The following RP1 variants were observed in gnomAD, a reference collection of about 807,000 sequenced individuals.
The protein encoded by RP1 is RP1 axonemal microtubule associated.
Under a neutral mutation model 14.8 loss-of-function variants are expected in RP1, and 16 were observed. The observed-to-expected ratio is 1.08, with a 90% CI of 0.73 to 1.65. The LOEUF (loss-of-function observed/expected upper bound fraction) is 1.65. Ranked by LOEUF, RP1 falls within the 40% of genes most tolerant of loss-of-function variation. The pLI is 0.00. For missense variants in RP1, 2,631 were observed against 2,535.0 expected, an observed-to-expected ratio of 1.04 and a Z score of -0.81; for synonymous variants, 876 against 883.6, an observed-to-expected ratio of 0.99 and a Z score of 0.15.
intron 24 of RP1, among the ~76,000 whole-genome samples, chr8:54,789,792 G>T (rs935838431): frequency 6.6e-6 from 1 of 152,176 alleles, no homozygotes; most frequent in African/African-American, 2.4e-5. Flanking sequence ...CCCAGTAGAG[G>T]TCCTCACTGA....
exon 20 of RP1, chr8:54,754,810 T>C: frequency 1.3e-6 from 2 of 1,512,548 alleles, no homozygotes; most frequent in East Asian, 2.5e-5. Context: ...CAGGTGACCA[T>C]GCAACATATG....
intron 25 of RP1, among the ~76,000 whole-genome samples, chr8:54,839,146 C>T (rs1811733998): frequency 6.6e-6 from 1 of 152,098 alleles, no homozygotes; most frequent in Non-Finnish European, 1.5e-5. Flanking sequence ...ATTACTGGCC[C>T]TACTTGGTCA....
intron 24 of RP1, among the ~76,000 whole-genome samples, chr8:54,792,848 GA>G (rs750873644): frequency 1.5e-4 from 22 of 150,668 alleles, no homozygotes; most frequent in East Asian, 3.9e-4. Flanking sequence ...ATTAGAATGG[GA>G]AAAAAAATGA....
chr8:54,716,502 C>T (rs1808408171), intron 15 of RP1, among the ~76,000 whole-genome samples: 1 of 151,934 alleles, frequency 6.6e-6, no homozygotes, highest in Non-Finnish European at 1.5e-5. Context: ...TTTGGTTTGT[C>T]CCTGAATGTG....
At chr8:54,633,714 T>C (rs1452009133), downstream of RP1, among the ~76,000 whole-genome samples, 1 of 87,072 alleles carries the variant, frequency 1.1e-5, no homozygotes, top group Non-Finnish European at 2.7e-5. Context: ...TTTGTGCCTC[T>C]CTCTCTCTCT....
At chr8:54,735,429 T>A (rs1318245924) in intron 18 of RP1, among the ~76,000 whole-genome samples, 1 of 152,184 alleles carries the variant, frequency 6.6e-6, no homozygotes, top group African/African-American at 2.4e-5. Context: ...GTGAAAGCTG[T>A]GTGGCTCTTT....
intron 25 of RP1, among the ~76,000 whole-genome samples, chr8:54,843,378 G>T (rs866831621): frequency 6.6e-6 from 1 of 152,084 alleles, no homozygotes; most frequent in Non-Finnish European, 1.5e-5. Context: ...CATGGTGCCC[G>T]GCCCAGAGGT....
intron 22 of RP1, among the ~76,000 whole-genome samples, chr8:54,765,873 C>T (rs772260016): frequency 3.3e-5 from 5 of 152,258 alleles, no homozygotes; most frequent in Middle Eastern, 3.4e-3. Flanking sequence ...TGTTTGTGAA[C>T]GTATTTGTCT....
intron 1 of RP1, among the ~76,000 whole-genome samples, chr8:54,620,128 T>C (rs554359341): frequency 1.3e-5 from 2 of 152,314 alleles, no homozygotes; most frequent in East Asian, 3.9e-4. Flanking sequence ...TATCCAGAAT[T>C]CTGCAATCCA....
rs373544732 is a variant in RP1, at chr8:54,842,846, C to A, written c.3835+5177C>A. On this transcript the variant is annotated intron_variant, in intron 25 of 28. Coordinates refer to the RP1 transcript ENST00000637698. ...CCCTCGTGGCTCTGGCTTGCATCCC[C>A]AGAGCCCTCAGGCCCCTGCCCTTTC... Among the ~76,000 whole-genome samples the A allele has an allele frequency of 1.8e-4, 28 of 152,298 alleles. 1 individual carries two copies. In the South Asian group the frequency reaches 5.8e-3, roughly 32 times the overall value.
chr8:54,609,025 C>T (rs941847764), intron 1 of RP1, among the ~76,000 whole-genome samples: 1 of 152,096 alleles, frequency 6.6e-6, no homozygotes, highest in African/African-American at 2.4e-5. Flanking sequence ...GCTGGGGATA[C>T]CCAGGTTCAG....
At chr8:54,785,300 A>G (rs1470565463) in intron 24 of RP1, among the ~76,000 whole-genome samples, 2 of 152,014 alleles carry the variant, frequency 1.3e-5, no homozygotes, top group East Asian at 3.8e-4. Context: ...TTTACGTAGC[A>G]TAAAGAATGC....
intron 1 of RP1, among the ~76,000 whole-genome samples, chr8:54,591,122 CT>C (rs1805035667): frequency 6.6e-6 from 1 of 152,224 alleles, no homozygotes; most frequent in Non-Finnish European, 1.5e-5. Flanking sequence ...AGCAGCAAGG[CT>C]CCTACCTCTA....
intron 16 of RP1, chr8:54,726,229 C>A (rs2129352670): frequency 1.8e-6 from 2 of 1,109,328 alleles, no homozygotes; most frequent in Non-Finnish European, 2.4e-6. Flanking sequence ...TTTGACTAGG[C>A]ATTGAAATGG....
intron 24 of RP1, among the ~76,000 whole-genome samples, chr8:54,800,750 T>C (rs1354633386): frequency 6.6e-6 from 1 of 152,222 alleles, no homozygotes; most frequent in Non-Finnish European, 1.5e-5. Flanking sequence ...CCTGTTTTTT[T>C]ATGTTGTCCA....
rs920619191 is a variant in RP1, at chr8:54,767,334, C to T, written c.3249-2407C>T. Among the ~76,000 whole-genome samples, 28 of 151,380 alleles carry T rather than the reference C, an allele frequency of 1.8e-4. 1 individual carries two copies. Among genetic ancestry groups the T allele is most frequent in the Admixed American group, 1.3e-4 (2 of 15,198 alleles). ...CAGGTTTTGAAACAAGGCAATCTGACTCTACTTGAAATTTAAAGTCTGTAT... is the reference window on the plus strand; with the variant it reads ...CAGGTTTTGAAACAAGGCAATCTGATTCTACTTGAAATTTAAAGTCTGTAT... On this transcript the variant is annotated intron_variant, in intron 22 of 22. Coordinates refer to the RP1 transcript ENST00000636932.
At chr8:54,823,101 T>G (rs971367610) in intron 24 of RP1, among the ~76,000 whole-genome samples, 1 of 151,984 alleles carries the variant, frequency 6.6e-6, no homozygotes, top group Non-Finnish European at 1.5e-5. Flanking sequence ...ATAGCACTCG[T>G]GTGACTCCCC....
intron 17 of RP1, among the ~76,000 whole-genome samples, chr8:54,732,504 A>T (rs1434713703): frequency 6.6e-6 from 1 of 152,138 alleles, no homozygotes; most frequent in East Asian, 1.9e-4. Context: ...ATGCCCAGCA[A>T]ATAATAGGAA....
intron 26 of RP1, among the ~76,000 whole-genome samples, chr8:54,856,008 T>C (rs1812189268): frequency 6.6e-6 from 1 of 151,696 alleles, no homozygotes; most frequent in Admixed American, 6.6e-5. Context: ...CATAAATATA[T>C]GCAGATATCA....
Sources: allele counts gnomAD v4.1 joint callset (sites outside exome capture counted in the v4.1 genomes callset), GRCh38; gene constraint gnomAD v4.1.1; transcripts MANE v1.5; gene names NCBI Gene and HGNC (gene_info 2026-07-23, HGNC 2026-07-21).